Variants in LCOR observed in about 807,000 individuals in gnomAD.
The protein encoded by LCOR is ligand-dependent corepressor.
A neutral mutation model predicts 64.4 loss-of-function variants in LCOR; 14 were observed. The observed-to-expected ratio is 0.22, with a 90% CI of 0.14 to 0.34. The LOEUF (loss-of-function observed/expected upper bound fraction) is 0.34. LCOR is among the 10% of genes least tolerant of loss of function. The pLI is 1.00. For missense variants in LCOR, 1,686 were observed against 1,765.3 expected (o/e 0.96, Z 0.80); for synonymous variants, 643 against 642.5 (o/e 1.00, Z -0.01).
At chr10:96,921,429 A>G (rs1263577881) in intron 4 of LCOR, among the ~76,000 whole-genome samples, 1 of 152,030 alleles carries the variant, frequency 6.6e-6, no homozygotes, top group Non-Finnish European at 1.5e-5. Flanking sequence ...TATACGGTGT[A>G]CGGCAAGGAT....
chr10:96,888,103 AC>A, intron 2 of LCOR, among the ~76,000 whole-genome samples: 1 of 150,446 alleles, frequency 6.6e-6, no homozygotes, highest in South Asian at 2.2e-4. Context: ...GTGGTGGCTC[AC>A]GCCTGTAATC....
At chr10:96,913,668 C>T (rs1301098000) in intron 4 of LCOR, among the ~76,000 whole-genome samples, 2 of 152,160 alleles carry the variant, frequency 1.3e-5, no homozygotes, top group African/African-American at 4.8e-5. Context: ...CACCTGTAAT[C>T]CCAGCACTTT....
At chr10:96,949,623 A>T (rs935991191) in intron 6 of LCOR, among the ~76,000 whole-genome samples, 1 of 152,168 alleles carries the variant, frequency 6.6e-6, no homozygotes, top group Non-Finnish European at 1.5e-5. Context: ...TCCTATGAAA[A>T]AGTAAGTTTT....
rs936252172 is a variant in LCOR at position 96,983,209 on chromosome 10, G to T, written c.2749G>T (p.Asp917Tyr). Reference sequence around the variant, plus strand: ...CAGGCAGACTTTGAAAAACATGCTGGACAAAGAAGTCAAGGAGTTACGAGG... The same window carrying T: ...CAGGCAGACTTTGAAAAACATGCTGTACAAAGAAGTCAAGGAGTTACGAGG... ...ITRQTLKNML[D>Y]KEVKELRGEI... Residue 917 changes from aspartate to tyrosine, a missense_variant, in exon 8 of 8, where the codon GAC becomes TAC. Transcript: ENST00000421806. The surrounding 1 kb of genome is among the most constrained non-coding windows in gnomAD (Gnocchi z 4.5). 2 of 1,614,140 alleles carry T rather than the reference G, an allele frequency of 1.2e-6. No individual in the cohort carries two copies. The highest frequency in any genetic ancestry group is 1.7e-6 in the Non-Finnish European group (2 of 1,180,038).
At chr10:96,868,378 G>T (rs1228465331) in intron 2 of LCOR, among the ~76,000 whole-genome samples, 2 of 150,916 alleles carry the variant, frequency 1.3e-5, no homozygotes, top group African/African-American at 4.9e-5. Context: ...AGGTTCAAGT[G>T]ATTCTCCTGC....
chr10:96,944,071 G>A (rs895028430), intron 4 of LCOR, 42 bp from the exon 5 acceptor site: 20 of 984,136 alleles, frequency 2.0e-5, no homozygotes, highest in Non-Finnish European at 2.2e-5. Flanking sequence ...TATTGAATGG[G>A]GAAAGACGTG....
chr10:96,835,375 A>G lies in LCOR; in HGVS notation c.-330+1896A>G, dbSNP rs1025061850. ...TAAAGATAGTAAAGTTCAGAAGATT[A>G]TAGAGTCCAGAGTGCAGAGCAATAT... On this transcript the variant is annotated intron_variant, in intron 2 of 7. Coordinates refer to ENST00000421806, the MANE Select transcript of LCOR (RefSeq NM_001346516.2). 1.2e-4 allele frequency among the ~76,000 whole-genome samples: 19 copies of G among 152,362 alleles called. No individual in the cohort carries two copies. The South Asian group carries it at 1.7e-3, about 13-fold the overall frequency.
chr10:96,871,577 T>TC (rs1846072851), intron 2 of LCOR, among the ~76,000 whole-genome samples: 1 of 140,430 alleles, frequency 7.1e-6, no homozygotes, highest in African/African-American at 2.9e-5. Context: ...CACGCCTGGC[T>TC]AATTTTTTTT....
At chr10:96,847,607 A>G (rs887916323) in intron 2 of LCOR, among the ~76,000 whole-genome samples, 1 of 152,020 alleles carries the variant, frequency 6.6e-6, no homozygotes, top group Non-Finnish European at 1.5e-5. Flanking sequence ...ACGCCTGGCT[A>G]ATTTTGTATT....
chr10:96,946,792 T>C (rs1486905944), intron 5 of LCOR, among the ~76,000 whole-genome samples: 1 of 152,120 alleles, frequency 6.6e-6, no homozygotes, highest in Non-Finnish European at 1.5e-5. Flanking sequence ...TCAAAGATAG[T>C]GGTCTGTGGT....
chr10:96,933,016 C>G (rs1272387696), intron 4 of LCOR, among the ~76,000 whole-genome samples: 1 of 152,108 alleles, frequency 6.6e-6, no homozygotes, highest in South Asian at 2.1e-4. Context: ...AAAAACTGGT[C>G]TAATTGCAAA....
At chr10:96,844,748 G>A (rs1375230397) in intron 2 of LCOR, among the ~76,000 whole-genome samples, 1 of 152,220 alleles carries the variant, frequency 6.6e-6, no homozygotes, top group African/African-American at 2.4e-5. Flanking sequence ...AGAGGGAAAG[G>A]CAGCAGAGGG....
At chr10:96,852,257 A>T (rs1205134048) in intron 2 of LCOR, among the ~76,000 whole-genome samples, 1 of 152,116 alleles carries the variant, frequency 6.6e-6, no homozygotes, top group East Asian at 1.9e-4. Context: ...TCTCTACAAA[A>T]AATTTTTAAA....
At chr10:96,873,581 T>TAC (rs1846112133) in intron 2 of LCOR, among the ~76,000 whole-genome samples, 1 of 103,460 alleles carries the variant, frequency 9.7e-6, no homozygotes, top group South Asian at 2.3e-4. Context: ...CGTGTGTGTG[T>TAC]GTGTGTGTGT....
At chr10:96,962,905 A>G (rs1352921601) in intron 7 of LCOR, 1 of 152,176 alleles carries the variant, frequency 6.6e-6, no homozygotes, top group East Asian at 1.9e-4. Flanking sequence ...GCTTGTACAC[A>G]CTGTTTAAAA....
chr10:96,848,393 C>CA (rs202012871), intron 2 of LCOR, among the ~76,000 whole-genome samples: 3,330 of 152,320 alleles, frequency 0.022, 116 homozygotes, highest in African/African-American at 0.074. Flanking sequence ...CATGGTGGCT[C>CA]ACGCCTGTAA....
intron 7 of LCOR, among the ~76,000 whole-genome samples, chr10:96,969,235 AGT>A (rs1289798182): frequency 1.3e-5 from 2 of 152,152 alleles, no homozygotes; most frequent in Non-Finnish European, 2.9e-5. Context: ...AACACTGGAG[AGT>A]GAGGTCGTTG....
intron 4 of LCOR, among the ~76,000 whole-genome samples, chr10:96,941,450 C>T (rs1421435375): frequency 5.0e-5 from 7 of 139,802 alleles, no homozygotes; most frequent in African/African-American, 1.1e-4. Flanking sequence ...GGCGACTGGC[C>T]GGGCAGAGGG....
intron 2 of LCOR, among the ~76,000 whole-genome samples, chr10:96,842,669 C>T (rs1433851542): frequency 1.4e-5 from 2 of 145,968 alleles, no homozygotes; most frequent in South Asian, 4.4e-4. Flanking sequence ...CTGGCTCCGT[C>T]ACCCAGGCTG....
Sources: gnomAD v4.1 joint callset for allele counts (sites outside exome capture counted in the v4.1 genomes callset) on GRCh38, gnomAD v4.1.1 for gene constraint, Gnocchi (gnomAD v3.1) non-coding constraint, MANE v1.5 for transcripts, NCBI Gene and HGNC (gene_info 2026-07-23, HGNC 2026-07-21) for gene names.